ATP6V1C1: variants seen among roughly 807,000 people sequenced by gnomAD.
ATP6V1C1 encodes the protein V-type proton ATPase subunit C 1.
In ATP6V1C1, 45 loss-of-function variants were observed where a neutral mutation model predicts 53.9. The observed-to-expected ratio is 0.83, with a 90% CI of 0.66 to 1.07. The LOEUF (loss-of-function observed/expected upper bound fraction) is 1.07, where lower values mean the gene tolerates loss of function less well. Among genes scored for constraint, ATP6V1C1 ranks in the 50% least tolerant of loss-of-function variants. ATP6V1C1 has a pLI of 0.00. For missense variants in ATP6V1C1, 315 were observed against 440.3 expected (o/e 0.72, Z 2.55); for synonymous variants, 153 against 155.2 (o/e 0.99, Z 0.11).
chr8:103,068,123 GCACGCAGTA>G (rs1261228719), intron 12 of ATP6V1C1, among the ~76,000 whole-genome samples: 2 of 152,108 alleles, frequency 1.3e-5, no homozygotes, highest in Non-Finnish European at 2.9e-5. Flanking sequence ...GGGACTATAG[GCACGCAGTA>G]CCACTGCTGG....
intron 3 of ATP6V1C1, among the ~76,000 whole-genome samples, chr8:103,044,017 T>C (rs1817050707): frequency 6.6e-6 from 1 of 152,022 alleles, no homozygotes. Flanking sequence ...GCCTCCCGAG[T>C]AGCTGAGATT....
chr8:103,028,501 A>G (rs1816736908), intron 1 of ATP6V1C1, among the ~76,000 whole-genome samples: 1 of 152,186 alleles, frequency 6.6e-6, no homozygotes, highest in Non-Finnish European at 1.5e-5. Context: ...AATCATAGAA[A>G]TGCCTGTCTT....
At chr8:103,066,172 C>A in intron 11 of ATP6V1C1, 149 bp from the exon 12 acceptor site, 1 of 938,838 alleles carries the variant, frequency 1.1e-6, no homozygotes, top group Non-Finnish European at 1.5e-6. Flanking sequence ...GTTTCAGTTT[C>A]TATATATATT....
chr8:103,065,564 G>A (rs986568520), intron 11 of ATP6V1C1, among the ~76,000 whole-genome samples: 3 of 151,164 alleles, frequency 2.0e-5, no homozygotes, highest in Admixed American at 6.6e-5. Context: ...GCGAGACTCC[G>A]CCTGAAAAAA....
At chr8:103,043,669 G>A (rs1020110947) in intron 3 of ATP6V1C1, among the ~76,000 whole-genome samples, 1 of 151,784 alleles carries the variant, frequency 6.6e-6, no homozygotes, top group African/African-American at 2.4e-5. Context: ...TTTCCCTGTT[G>A]GCTGATGTGA....
At chr8:103,049,837 G>T (rs1195279285) in intron 4 of ATP6V1C1, among the ~76,000 whole-genome samples, 1 of 152,100 alleles carries the variant, frequency 6.6e-6, no homozygotes, top group African/African-American at 2.4e-5. Context: ...TATGCCTGTA[G>T]TCTCAGCTAG....
At position 103,055,917 on chromosome 8, in the gene ATP6V1C1, G is replaced by A; in HGVS notation, c.622G>A (p.Val208Ile). The change falls in exon 8 of 13, where the codon GTA becomes ATA. Residue 208 changes from valine to isoleucine, a missense_variant. Physicochemically the swap from Val to Ile is conservative, Grantham distance 29. Transcript: ENST00000518738. ...IKQYETLAEM[V>I]VPRSSNVLSE... ...GCAGTATGAAACACTAGCCGAAATG[G>A]TAGTTCCAAGGTCTAGCAAGTAAGT... is the stretch of plus-strand genomic sequence containing the variant. 3 of 1,612,028 alleles carry A rather than the reference G, an allele frequency of 1.9e-6. No homozygotes were observed. Among genetic ancestry groups the A allele is most frequent in the Non-Finnish European group, 2.5e-6 (3 of 1,178,406 alleles).
At chr8:103,022,027 G>A (rs932761691) in intron 1 of ATP6V1C1, among the ~76,000 whole-genome samples, 4 of 152,178 alleles carry the variant, frequency 2.6e-5, no homozygotes, top group Admixed American at 6.5e-5. Flanking sequence ...ATCCTTAGGA[G>A]TTAGCACTAA....
chr8:103,063,075 A>G (rs1347937990), intron 9 of ATP6V1C1, 28 bp downstream of exon 9: 3 of 1,612,266 alleles, frequency 1.9e-6, no homozygotes, highest in Non-Finnish European at 2.5e-6. Context: ...TTGTTTATTT[A>G]CTTTGTTAGA....
At chr8:103,039,494 C>G (rs762876241) in intron 1 of ATP6V1C1, among the ~76,000 whole-genome samples, 5 of 152,094 alleles carry the variant, frequency 3.3e-5, no homozygotes, top group Non-Finnish European at 5.9e-5. Context: ...ATTTTGTTCT[C>G]AGGACAACTT....
In ATP6V1C1 at chr8:103,071,279, T is replaced by C. The variant is rs2131409200; in HGVS notation, c.*2532T>C. ...ACAGACTCATTAAACATTTACTGAG[T>C]GTCTGTCAGGGATCATTCACATCCA... On this transcript the variant is annotated 3_prime_UTR_variant, in exon 13 of 13. Coordinates refer to ENST00000518738, the MANE Select transcript of ATP6V1C1 (RefSeq NM_001695.5). 1 of 152,262 alleles carries C rather than the reference T, an allele frequency of 6.6e-6. No homozygotes were observed. The highest frequency in any genetic ancestry group is 2.1e-4 in the South Asian group (1 of 4,828). The allele number at this position is 152,262 out of a possible 1,614,324, so 9.4% of individuals were successfully genotyped here. A position where few individuals can be genotyped will look rare whatever the true frequency, so the allele number is the denominator to read the frequency against.
chr8:103,022,668 C>T (rs982646706), intron 1 of ATP6V1C1, among the ~76,000 whole-genome samples: 2 of 152,226 alleles, frequency 1.3e-5, no homozygotes, highest in East Asian at 1.9e-4. Context: ...TATTTATATT[C>T]TTCATACCCT....
intron 12 of ATP6V1C1, among the ~76,000 whole-genome samples, chr8:103,067,532 T>A (rs1367427051): frequency 4.6e-5 from 7 of 151,120 alleles, no homozygotes; most frequent in African/African-American, 7.3e-5. Flanking sequence ...ATTAGAACTA[T>A]GAAAAATCAG....
intron 2 of ATP6V1C1, 50 bp downstream of exon 2, chr8:103,041,018 G>A (rs763515001): frequency 3.2e-6 from 5 of 1,552,418 alleles, no homozygotes; most frequent in Non-Finnish European, 4.4e-6. Context: ...TCCAGGGGAG[G>A]GCCAGTTCTC....
At position 103,045,026 on chromosome 8, in the gene ATP6V1C1, G is replaced by A. The variant is rs1817069992; in HGVS notation, c.200+2619G>A. On this transcript the variant is annotated intron_variant, in intron 3 of 12. Transcript: ENST00000518738. ...ATAACTGCATTTTGATTAGTTGGCA[G>A]AATCAGTCTACAGTTCCTTCAACTC... Among the ~76,000 whole-genome samples the A allele has an allele frequency of 2.0e-5, 3 of 152,180 alleles. 1 individual carries two copies. Among genetic ancestry groups the A allele is most frequent in the Admixed American group, 2.0e-4 (3 of 15,280 alleles).
chr8:103,070,017 C>T lies in ATP6V1C1; in HGVS notation c.*1270C>T, dbSNP rs1817558086. The T allele has an allele frequency of 6.6e-6, 1 of 152,192 alleles. No homozygotes were observed. The highest frequency in any genetic ancestry group is 1.5e-5 in the Non-Finnish European group (1 of 68,028). 9.4% of individuals were successfully genotyped at this position (152,192 alleles called of 1,614,324 possible). ...GGCCCTTTTCTATGTCTTTACATCT[C>T]TGTCTCACACACACACACGTATACA... is the stretch of plus-strand genomic sequence containing the variant. On this transcript the variant is annotated 3_prime_UTR_variant, in exon 13 of 13. Transcript: ENST00000518738.
Position 103,058,983 on chromosome 8 carries a change from AT to A in ATP6V1C1, c.641+3061del, listed in dbSNP as rs367688530. On this transcript the variant is annotated intron_variant, in intron 8 of 12. Transcript: ENST00000518738. ...GTCCTTTCAGAATTACCACTTTCCT[AT>A]TTTTTTTTTTTTTGTCTGCTTTTGC... 7.1e-3 allele frequency among the ~76,000 whole-genome samples: 978 copies of A among 137,350 alleles called. 3 individuals are homozygous for A. Among genetic ancestry groups the A allele is most frequent in the Non-Finnish European group, 8.4e-3 (526 of 62,548 alleles). The allele number at this position is 137,350 out of a possible 152,430, so 90.1% of individuals were successfully genotyped here.
At chr8:103,059,797 TC>T (rs1817361374) in intron 8 of ATP6V1C1, among the ~76,000 whole-genome samples, 1 of 151,746 alleles carries the variant, frequency 6.6e-6, no homozygotes, top group South Asian at 2.1e-4. Flanking sequence ...GCTGTTTTCA[TC>T]TTTGTGACAT....
intron 8 of ATP6V1C1, among the ~76,000 whole-genome samples, chr8:103,057,159 G>A (rs1227769482): frequency 6.6e-6 from 1 of 152,206 alleles, no homozygotes; most frequent in Non-Finnish European, 1.5e-5. Flanking sequence ...CTGAGCAGTG[G>A]CTCAAGGGCC....
Sources: gnomAD v4.1 joint callset for allele counts (sites outside exome capture counted in the v4.1 genomes callset) on GRCh38, gnomAD v4.1.1 for gene constraint, MANE v1.5 for transcripts, NCBI Gene and HGNC (gene_info 2026-07-23, HGNC 2026-07-21) for gene names.